The following TRPM6 variants were observed in gnomAD, a reference collection of about 807,000 sequenced individuals.
TRPM6 encodes channel kinase 2.
In TRPM6, 111 loss-of-function variants were observed where a neutral mutation model predicts 247.6. The ratio of observed to expected loss-of-function variants is 0.45; its 90% CI spans 0.38 to 0.52. The LOEUF (loss-of-function observed/expected upper bound fraction) is 0.52. Ranked by LOEUF, TRPM6 falls within the 20% of genes least tolerant of loss-of-function variation. TRPM6 has a pLI of 0.00. For missense variants in TRPM6, 2,126 were observed against 2,421.5 expected (o/e 0.88, Z 2.56); for synonymous variants, 892 against 853.8 (o/e 1.04, Z -0.78).
intron 1 of TRPM6, 162 bp downstream of exon 1, chr9:74,887,662 C>G: frequency 6.3e-7 from 1 of 1,596,006 alleles, no homozygotes; most frequent in Non-Finnish European, 8.5e-7. Flanking sequence ...TGGGTGGAGA[C>G]CAGAGAACTT....
At chr9:74,775,464 T>G (rs1827186551) in intron 24 of TRPM6, among the ~76,000 whole-genome samples, 2 of 152,164 alleles carry the variant, frequency 1.3e-5, no homozygotes, top group Admixed American at 1.3e-4. Context: ...CAGCTTTGCT[T>G]ATCTTTTCTC....
At chr9:74,737,027 T>G (rs1178229402) in intron 36 of TRPM6, among the ~76,000 whole-genome samples, 2 of 152,074 alleles carry the variant, frequency 1.3e-5, no homozygotes, top group Non-Finnish European at 2.9e-5. Flanking sequence ...GCACAAACAG[T>G]CAAATACAGA....
intron 1 of TRPM6, among the ~76,000 whole-genome samples, chr9:74,872,889 T>C (rs1831074096): frequency 6.6e-6 from 1 of 152,218 alleles, no homozygotes; most frequent in South Asian, 2.1e-4. Context: ...TTTCTACCTC[T>C]AATTTTCTCT....
intron 31 of TRPM6, among the ~76,000 whole-genome samples, chr9:74,746,152 T>C (rs1398624060): frequency 2.0e-5 from 3 of 150,430 alleles, no homozygotes; most frequent in Non-Finnish European, 4.4e-5. Flanking sequence ...GGCAGGAGAA[T>C]GGCATGAACC....
At chr9:74,862,532 G>C (rs566593411) in intron 1 of TRPM6, among the ~76,000 whole-genome samples, 51 of 152,256 alleles carry the variant, frequency 3.3e-4, no homozygotes, top group African/African-American at 8.7e-4. Context: ...TTTGGCCTGA[G>C]GTCAGGCTGG....
chr9:74,739,599 C>T, intron 34 of TRPM6, 124 bp downstream of exon 34: 1 of 1,524,320 alleles, frequency 6.6e-7, no homozygotes, highest in East Asian at 2.3e-5. Flanking sequence ...CAAAGCAATA[C>T]TACCTCTAAA....
At chr9:74,747,769 C>T in intron 31 of TRPM6, 120 bp downstream of exon 31, 1 of 851,116 alleles carries the variant, frequency 1.2e-6, no homozygotes, top group Admixed American at 2.2e-5. Context: ...TTCTACATTG[C>T]ATGATGGACA....
At chr9:74,821,622 G>T in intron 8 of TRPM6, 47 bp downstream of exon 8, 1 of 1,605,816 alleles carries the variant, frequency 6.2e-7, no homozygotes, top group Non-Finnish European at 8.5e-7. Flanking sequence ...TAAAATGGAG[G>T]AATAAACAGC....
At chr9:74,876,858 G>A in intron 1 of TRPM6, among the ~76,000 whole-genome samples, 1 of 152,176 alleles carries the variant, frequency 6.6e-6, no homozygotes, top group East Asian at 1.9e-4. Context: ...CTTAGAAACT[G>A]TATACTAACT....
rs777857760 is a variant in TRPM6 at position 74,722,641 on chromosome 9, A to G, written c.*1972T>C. 1 of 152,158 alleles carries G rather than the reference A, an allele frequency of 6.6e-6. No individual in the cohort carries two copies. The highest frequency in any genetic ancestry group is 1.5e-5 in the Non-Finnish European group (1 of 68,028). 9.4% of individuals were successfully genotyped at this position (152,158 alleles called of 1,614,324 possible). ...GAGTGCAGCACTGAGGTGAGTACCA[A>G]TTGTTCCTTTACTGACTTGTAGAAT... On this transcript the variant is annotated 3_prime_UTR_variant, in exon 39 of 39. Transcript: ENST00000360774.
chr9:74,817,740 AGG>A lies in TRPM6; in HGVS notation c.1135-778_1135-777del, dbSNP rs11297751. On this transcript the variant is annotated intron_variant, in intron 9 of 38. Coordinates refer to ENST00000360774, the MANE Select transcript of TRPM6 (RefSeq NM_017662.5). ...TCTCTGCTTTTGTTGCTTCAAAAAAAGGGGGGGGGAGTCACCTGTTATTAATG... is the reference window on the plus strand; with the variant it reads ...TCTCTGCTTTTGTTGCTTCAAAAAAAGGGGGGGAGTCACCTGTTATTAATG... Among the ~76,000 whole-genome samples the A allele has an allele frequency of 2.4e-4, 37 of 151,496 alleles. 1 individual carries two copies. Among genetic ancestry groups the A allele is most frequent in the African/African-American group, 8.2e-4 (34 of 41,244 alleles).
At chr9:74,756,972 A>C (rs926473526) in intron 27 of TRPM6, among the ~76,000 whole-genome samples, 3 of 151,824 alleles carry the variant, frequency 2.0e-5, no homozygotes, top group African/African-American at 2.4e-5. Flanking sequence ...TGAGGTGGGC[A>C]GATCACCTGA....
intron 13 of TRPM6, among the ~76,000 whole-genome samples, chr9:74,808,976 G>T (rs1190431662): frequency 2.6e-5 from 4 of 152,106 alleles, no homozygotes; most frequent in Non-Finnish European, 4.4e-5. Context: ...TATTACAAGG[G>T]TATTGAAGTT....
intron 30 of TRPM6, among the ~76,000 whole-genome samples, chr9:74,749,404 T>A (rs937890480): frequency 6.6e-6 from 1 of 152,214 alleles, no homozygotes; most frequent in Admixed American, 6.5e-5. Flanking sequence ...GCAGTTGTTG[T>A]TTTTTAATTA....
At position 74,810,541 on chromosome 9, in the gene TRPM6, T is replaced by A. The variant is rs10869444; in HGVS notation, c.1497+274A>T. Among the ~76,000 whole-genome samples, 40,789 of 152,138 alleles carry A rather than the reference T, an allele frequency of 0.27. 6,862 individuals carry two copies. Among genetic ancestry groups the A allele is most frequent in the East Asian group, 0.67 (3,460 of 5,152 alleles). ...CCACGGTATCGGGGTAAGCTGAAGT[T>A]CTGATTAGAAGCATTGCATGTCTCT... On this transcript the variant is annotated intron_variant, in intron 13 of 38. Coordinates refer to ENST00000360774, the MANE Select transcript of TRPM6 (RefSeq NM_017662.5).
At chr9:74,761,975 A>G (rs761695770) in intron 26 of TRPM6, 24 bp downstream of exon 26, 1 of 1,609,632 alleles carries the variant, frequency 6.2e-7, no homozygotes, top group East Asian at 2.2e-5. Context: ...CTTAATGCTG[A>G]TATTTTAAAT....
intron 9 of TRPM6, 87 bp from the exon 10 acceptor site, chr9:74,817,051 G>A (rs989263696): frequency 6.9e-6 from 8 of 1,164,180 alleles, no homozygotes; most frequent in Non-Finnish European, 1.0e-5. Flanking sequence ...TCAGACTGGA[G>A]CTAATGAATT....
At chr9:74,778,983 C>G (rs1564009761) in intron 23 of TRPM6, among the ~76,000 whole-genome samples, 1 of 152,160 alleles carries the variant, frequency 6.6e-6, no homozygotes, top group Non-Finnish European at 1.5e-5. Flanking sequence ...CCCCACTTAC[C>G]TTCCTGGGGC....
At chr9:74,727,561 A>G (rs1825373861) in intron 38 of TRPM6, among the ~76,000 whole-genome samples, 1 of 152,100 alleles carries the variant, frequency 6.6e-6, no homozygotes, top group Non-Finnish European at 1.5e-5. Flanking sequence ...TGTAAGGACA[A>G]GTCCGGTGTG....
Sources: gnomAD v4.1 joint callset for allele counts (sites outside exome capture counted in the v4.1 genomes callset) on GRCh38, gnomAD v4.1.1 for gene constraint, MANE v1.5 for transcripts, NCBI Gene and HGNC (gene_info 2026-07-23, HGNC 2026-07-21) for gene names.